SLC9A7: variants seen among roughly 807,000 people sequenced by gnomAD.
SLC9A7 encodes the protein solute carrier family 9 member A7.
In SLC9A7, 19 loss-of-function variants were observed where a neutral mutation model predicts 52.6. That is an observed-to-expected ratio of 0.36 (90% CI 0.25 to 0.53). SLC9A7 has a LOEUF of 0.53. SLC9A7 is among the 20% of genes least tolerant of loss of function. The pLI is 0.91. For synonymous variants in SLC9A7, 226 were observed against 252.1 expected, an observed-to-expected ratio of 0.90 and a Z score of 0.98; for missense variants, 455 against 597.9, an observed-to-expected ratio of 0.76 and a Z score of 2.49.
At chrX:46,756,757 A>G (rs1431387192) in intron 1 of SLC9A7, among the ~76,000 whole-genome samples, 1 of 112,436 alleles carries the variant, frequency 8.9e-6, no homozygotes, top group Admixed American at 9.4e-5. Context: ...AGGAATGCTG[A>G]GATGATATTG....
At chrX:46,620,843 T>C (rs1481089392) in intron 15 of SLC9A7, 134 bp downstream of exon 15, 3 of 463,652 alleles carry the variant, frequency 6.5e-6, no homozygotes, top group Non-Finnish European at 1.1e-5. Context: ...AATGCACACG[T>C]TCCATAAGAG....
Position 46,606,915 on chromosome X carries a change from G to GGAGCCTACCCCATCGC in SLC9A7, c.*21_*36dup. 1 of 1,209,348 alleles carries GGAGCCTACCCCATCGC rather than the reference G, an allele frequency of 8.3e-7. No homozygotes were observed. The highest frequency in any genetic ancestry group is 1.7e-5 in the African/African-American group (1 of 57,672). On this transcript the variant is annotated 3_prime_UTR_variant, in exon 17 of 17. Transcript: ENST00000616978. Reference sequence around the variant, plus strand: ...GCTTGCAGCTGTCCTCACCCCATCGGGAGCCTACCCCATCGCGCCAGGGCT... The same window carrying GGAGCCTACCCCATCGC: ...GCTTGCAGCTGTCCTCACCCCATCGGGAGCCTACCCCATCGCGAGCCTACCCCATCGCGCCAGGGCT...
At position 46,606,941 on chromosome X, in the gene SLC9A7, TG is replaced by T. The variant is rs777770991; in HGVS notation, c.*10del. 6.6e-6 allele frequency: 8 copies of T among 1,208,590 alleles called. No homozygotes were observed. The highest frequency in any genetic ancestry group is 5.3e-5 in the African/African-American group (3 of 56,843). Reference sequence around the variant, plus strand: ...GAGCCTACCCCATCGCGCCAGGGCTTGGGGGGAAAGTCAAGCATTATCTTCC... The same window carrying T: ...GAGCCTACCCCATCGCGCCAGGGCTTGGGGGAAAGTCAAGCATTATCTTCC... On this transcript the variant is annotated 3_prime_UTR_variant, in exon 17 of 17. Coordinates refer to ENST00000616978, the MANE Select transcript of SLC9A7 (RefSeq NM_001257291.2).
At chrX:46,706,474 TAA>T (rs1212588625) in intron 1 of SLC9A7, among the ~76,000 whole-genome samples, 1 of 110,219 alleles carries the variant, frequency 9.1e-6, no homozygotes, top group African/African-American at 3.3e-5. Context: ...GGTTATATTT[TAA>T]AAGTCACTCA....
At position 46,656,005 on chromosome X, in the gene SLC9A7, C is replaced by A. The variant is rs1363603713; in HGVS notation, c.1042-2291G>T. On this transcript the variant is annotated intron_variant, in intron 7 of 16. Transcript: ENST00000616978. ...GCTTTGAAGAGAGCAGTGGTTCTCC[C>A]AGCACGCAGCTGGAGATCTGAGAAC... Among the ~76,000 whole-genome samples, 11 of 110,872 alleles carry A rather than the reference C, an allele frequency of 9.9e-5. No individual in the cohort carries two copies. In the East Asian group the frequency reaches 3.2e-3, roughly 32 times the overall value.
intron 1 of SLC9A7, among the ~76,000 whole-genome samples, chrX:46,688,841 T>C (rs952983005): frequency 9.9e-5 from 11 of 110,856 alleles, no homozygotes; most frequent in African/African-American, 3.3e-4. Context: ...GGTTCTCTTA[T>C]TGAATGGTAA....
At position 46,643,241 on chromosome X, in the gene SLC9A7, G is replaced by A. The variant is rs757620784; in HGVS notation, c.1611C>T (p.Asn537=). The change falls in exon 12 of 17, where the codon AAC becomes AAT. Residue 537 remains asparagine (N), a synonymous_variant. Coordinates refer to ENST00000616978, the MANE Select transcript of SLC9A7 (RefSeq NM_001257291.2). ...GGTTPMLSWL[N]IRVGVEEPSE... is the part of the protein sequence containing the mutation. ...AGCCTTGGTTCCAAACCAACCTGAT[G>A]TTAAGCCATGACAACATGGGTGTCG... is the stretch of plus-strand genomic sequence containing the variant. The A allele has an allele frequency of 1.7e-6, 2 of 1,207,065 alleles. No homozygotes were observed. The highest frequency in any genetic ancestry group is 2.2e-5 in the Admixed American group (1 of 45,903).
intron 15 of SLC9A7, among the ~76,000 whole-genome samples, chrX:46,615,189 C>T (rs1419473562): frequency 1.8e-5 from 2 of 111,928 alleles, no homozygotes; most frequent in Admixed American, 9.4e-5. Context: ...ACTACAGACG[C>T]GTGCCACCAT....
At chrX:46,743,786 C>A (rs1444539975) in intron 1 of SLC9A7, among the ~76,000 whole-genome samples, 1 of 111,166 alleles carries the variant, frequency 9.0e-6, no homozygotes, top group African/African-American at 3.3e-5. Context: ...TTCCTCAAAT[C>A]CTTTCTCTGG....
At chrX:46,703,149 C>T (rs5952926) in intron 1 of SLC9A7, among the ~76,000 whole-genome samples, 40,321 of 110,929 alleles carry the variant, frequency 0.36, 6,270 homozygotes, top group African/African-American at 0.6. Flanking sequence ...AAGTTCCTTA[C>T]AGATTCTGGA....
rs146219053 is a variant in SLC9A7, at chrX:46,661,590, C to T, written c.1041+426G>A. 7.9e-3 allele frequency among the ~76,000 whole-genome samples: 870 copies of T among 110,710 alleles called. 8 individuals carry two copies. The highest frequency in any genetic ancestry group is 0.027 in the African/African-American group (834 of 30,383). ...TGAATACTGGGCCATCCTTTGCTTA[C>T]GGAAGGCCACTAACTAGCTATCGCC... On this transcript the variant is annotated intron_variant, in intron 7 of 16. Transcript: ENST00000616978.
At chrX:46,644,650 A>AG (rs1424132427) in intron 11 of SLC9A7, among the ~76,000 whole-genome samples, 1 of 110,865 alleles carries the variant, frequency 9.0e-6, no homozygotes, top group Non-Finnish European at 1.9e-5. Flanking sequence ...AAAAAAAAAA[A>AG]AAGACTGAAT....
intron 1 of SLC9A7, among the ~76,000 whole-genome samples, chrX:46,693,897 G>A (rs1487851269): frequency 5.4e-5 from 6 of 110,468 alleles, no homozygotes; most frequent in Non-Finnish European, 1.1e-4. Flanking sequence ...CAAAAAAATT[G>A]CAACGTGGAT....
At chrX:46,636,637 G>T (rs775863245) in intron 12 of SLC9A7, among the ~76,000 whole-genome samples, 1 of 107,283 alleles carries the variant, frequency 9.3e-6, no homozygotes, top group Non-Finnish European at 1.9e-5. Flanking sequence ...GTTCTTGTAG[G>T]TTAAAAAAAA....
At chrX:46,630,117 T>C (rs1943199005) in intron 14 of SLC9A7, among the ~76,000 whole-genome samples, 1 of 111,548 alleles carries the variant, frequency 9.0e-6, no homozygotes, top group Admixed American at 9.5e-5. Flanking sequence ...AGCAGGGACC[T>C]AGAATGGACA....
chrX:46,671,692 T>C (rs1359384649), intron 4 of SLC9A7, among the ~76,000 whole-genome samples: 2 of 112,129 alleles, frequency 1.8e-5, no homozygotes, highest in Admixed American at 9.4e-5. Flanking sequence ...GGTAATGTGG[T>C]TTTAAGTGAA....
chrX:46,726,930 T>C (rs1944954565), intron 1 of SLC9A7, among the ~76,000 whole-genome samples: 1 of 111,707 alleles, frequency 9.0e-6, no homozygotes, highest in South Asian at 3.7e-4. Context: ...AATGTCCCCA[T>C]GCCAATTTAC....
chrX:46,668,859 A>G (rs1484374239), intron 5 of SLC9A7, among the ~76,000 whole-genome samples: 3 of 111,322 alleles, frequency 2.7e-5, no homozygotes, highest in Non-Finnish European at 5.7e-5. Flanking sequence ...ACTCTACTGA[A>G]CTATACACTT....
chrX:46,739,341 T>G (rs1323958038), intron 1 of SLC9A7, among the ~76,000 whole-genome samples: 3 of 111,566 alleles, frequency 2.7e-5, no homozygotes, highest in African/African-American at 9.8e-5. Context: ...CACACCAGAA[T>G]AGGTATTCAA....
Sources: allele counts gnomAD v4.1 joint callset (sites outside exome capture counted in the v4.1 genomes callset), GRCh38; gene constraint gnomAD v4.1.1; transcripts MANE v1.5; gene names NCBI Gene and HGNC (gene_info 2026-07-23, HGNC 2026-07-21).